Variants in CLEC17A observed in about 807,000 individuals in gnomAD.
The protein encoded by CLEC17A is C-type lectin domain containing 17A, also known as C-type lectin domain family 17, member A.
In CLEC17A, 37 loss-of-function variants were observed where a neutral mutation model predicts 61.3. That is an observed-to-expected ratio of 0.60 (90% CI 0.46 to 0.79). The LOEUF (loss-of-function observed/expected upper bound fraction) is 0.79. Ranked by LOEUF, CLEC17A falls within the 30% of genes least tolerant of loss-of-function variation. The pLI is 0.00. For synonymous variants in CLEC17A, 168 were observed against 164.9 expected (o/e 1.02, Z -0.14); for missense variants, 418 against 464.7 (o/e 0.90, Z 0.92).
Position 14,600,148 on chromosome 19 carries a change from C to T in CLEC17A, c.860C>T (p.Ser287Phe). 6.2e-7 allele frequency: 1 copy of T among 1,614,056 alleles called. No individual in the cohort carries two copies. Among genetic ancestry groups the T allele is most frequent in the Non-Finnish European group, 8.5e-7 (1 of 1,179,900 alleles). ...CGGATGTTCTGCCAGGAGAATTACT[C>T]TCACTTGGTCATCATCAATAGCTTT... ...EARMFCQENY[S>F]HLVIINSFAE... is the part of the protein sequence containing the mutation. The change falls in exon 12 of 14, where the codon TCT becomes TTT. Residue 287 changes from serine to phenylalanine, a missense_variant. Ser to Phe is a radical substitution (Grantham distance 155, BLOSUM62 -2). Coordinates refer to ENST00000417570, the MANE Select transcript of CLEC17A (RefSeq NM_001204118.2).
chr19:14,593,943 CAGAG>C (rs935152351), intron 4 of CLEC17A, among the ~76,000 whole-genome samples: 3 of 151,060 alleles, frequency 2.0e-5, no homozygotes, highest in Middle Eastern at 3.4e-3. Context: ...GCCTGGGAGA[CAGAG>C]AGAGACTCTG....
chr19:14,600,203 C>A, intron 12 of CLEC17A, 21 bp downstream of exon 12: 8 of 1,612,256 alleles, frequency 5.0e-6, no homozygotes, highest in Non-Finnish European at 6.8e-6. Flanking sequence ...CCCACTGAAC[C>A]TTTGAGAACC....
chr19:14,583,806 G>C (rs1233641392), intron 2 of CLEC17A, among the ~76,000 whole-genome samples: 2 of 152,104 alleles, frequency 1.3e-5, no homozygotes, highest in African/African-American at 4.8e-5. Context: ...TGGTGCTTGA[G>C]AAACTGGGAG....
rs1340191169 is a variant in CLEC17A, at chr19:14,594,759, G to T, written c.362G>T (p.Gly121Val). 1 of 1,613,918 alleles carries T rather than the reference G, an allele frequency of 6.2e-7. No homozygotes were observed. Among genetic ancestry groups the T allele is most frequent in the Non-Finnish European group, 8.5e-7 (1 of 1,179,878 alleles). ...PLPCKPRNMT[G>V]LDLAAVTCPP... is the part of the protein sequence containing the mutation. The stretch of plus-strand genomic sequence containing the variant: ...GAAATGACTTTCTCATCTCTTCTAG[G>T]CCTGGACCTCGCCGCTGTCACCTGT... The change falls in exon 7 of 14, where the codon GGC becomes GTC. Residue 121 changes from glycine (G) to valine (V), a missense_variant and splice_region_variant. Transcript: ENST00000417570.
chr19:14,602,082 G>A (rs576794837), intron 12 of CLEC17A, among the ~76,000 whole-genome samples: 9 of 152,176 alleles, frequency 5.9e-5, no homozygotes, highest in South Asian at 2.1e-4. Flanking sequence ...ATGAGCCACC[G>A]CGCCTGGCCC....
Position 14,607,085 on chromosome 19 carries a change from G to T in CLEC17A, c.987G>T (p.Gly329=). ...AQEGDWRWLD[G]SPVTLSFWEP... is the part of the protein sequence containing the mutation. ...AAGGGGACTGGAGGTGGCTGGATGG[G>T]TCTCCTGTGACATTAAGGCAAGTGC... The change falls in exon 13 of 14, where the codon GGG becomes GGT. Residue 329 remains glycine (G), a synonymous_variant. Transcript: ENST00000417570. The T allele has an allele frequency of 7.6e-7, 1 of 1,315,692 alleles. No individual in the cohort carries two copies. The highest frequency in any genetic ancestry group is 2.2e-5 in the South Asian group (1 of 46,454). 81.5% of individuals were successfully genotyped at this position (1,315,692 alleles called of 1,614,324 possible).
At chr19:14,604,477 A>T (rs2074803871) in intron 12 of CLEC17A, among the ~76,000 whole-genome samples, 1 of 152,124 alleles carries the variant, frequency 6.6e-6, no homozygotes, top group African/African-American at 2.4e-5. Context: ...AAGAATGTTT[A>T]AAGTCGGCCG....
rs1251910044 is a variant in CLEC17A at position 14,593,776 on chromosome 19, C to T, written c.278-741C>T. On this transcript the variant is annotated intron_variant, in intron 4 of 13. Coordinates refer to ENST00000417570, the MANE Select transcript of CLEC17A (RefSeq NM_001204118.2). Reference sequence around the variant, plus strand: ...GAGATTGAGACCATCCTAGCTAACACGGTGAAACCCCGTCTCTATTAAAAA... The same window carrying T: ...GAGATTGAGACCATCCTAGCTAACATGGTGAAACCCCGTCTCTATTAAAAA... Among the ~76,000 whole-genome samples, 7 of 151,006 alleles carry T rather than the reference C, an allele frequency of 4.6e-5. No individual in the cohort carries two copies. The East Asian group carries it at 5.9e-4, about 13-fold the overall frequency.
chr19:14,603,895 T>C (rs192437128), intron 12 of CLEC17A, among the ~76,000 whole-genome samples: 41 of 152,306 alleles, frequency 2.7e-4, no homozygotes, highest in African/African-American at 9.6e-4. Flanking sequence ...CTTAAACTGC[T>C]CTGATTTTGG....
At chr19:14,584,198 G>A (rs965241805) in intron 2 of CLEC17A, 8 of 152,030 alleles carry the variant, frequency 5.3e-5, no homozygotes, top group Admixed American at 1.3e-4. Context: ...CTAGGCGATC[G>A]GGCGTCTGCA....
intron 3 of CLEC17A, among the ~76,000 whole-genome samples, chr19:14,590,904 C>T (rs2074396341): frequency 6.6e-6 from 1 of 150,922 alleles, no homozygotes; most frequent in Non-Finnish European, 1.5e-5. Flanking sequence ...TGCTATGTTG[C>T]CCAGGCTGGT....
chr19:14,600,094 C>T lies in CLEC17A; in HGVS notation c.806C>T (p.Ser269Phe). The change falls in exon 12 of 14, where the codon TCC becomes TTC. Residue 269 changes from serine to phenylalanine, a missense_variant. By Grantham distance (155) the Ser-to-Phe change is radical. Coordinates refer to ENST00000417570, the MANE Select transcript of CLEC17A (RefSeq NM_001204118.2). ...TTTGAGGGCAAGTGTTACTACTTCTCCCCAAGCACCAAGTCATGGGATGAG... is the reference window on the plus strand; with the variant it reads ...TTTGAGGGCAAGTGTTACTACTTCTTCCCAAGCACCAAGTCATGGGATGAG... ...LPFEGKCYYFSPSTKSWDEAR... is the reference protein window; with the variant it reads ...LPFEGKCYYFFPSTKSWDEAR... 1 of 1,614,032 alleles carries T rather than the reference C, an allele frequency of 6.2e-7. No individual in the cohort carries two copies. Among genetic ancestry groups the T allele is most frequent in the Non-Finnish European group, 8.5e-7 (1 of 1,179,896 alleles).
intron 4 of CLEC17A, 31 bp from the exon 5 acceptor site, chr19:14,594,486 C>G (rs2074495807): frequency 1.3e-6 from 2 of 1,558,694 alleles, no homozygotes; most frequent in Non-Finnish European, 1.7e-6. Flanking sequence ...CATCCTCAGC[C>G]CAGCCCTCAC....
At chr19:14,597,068 A>C in intron 9 of CLEC17A, 31 bp from the exon 10 acceptor site, 1 of 1,611,922 alleles carries the variant, frequency 6.2e-7, no homozygotes, top group Non-Finnish European at 8.5e-7. Context: ...GCACAGGAGG[A>C]CCTGGGCTCA....
intron 13 of CLEC17A, among the ~76,000 whole-genome samples, chr19:14,608,319 G>T (rs2074954154): frequency 6.6e-6 from 1 of 152,204 alleles, no homozygotes; most frequent in Non-Finnish European, 1.5e-5. Flanking sequence ...GGGGCCTAGA[G>T]ACCCTGATTG....
upstream of CLEC17A, among the ~76,000 whole-genome samples, chr19:14,581,262 A>G (rs1292971231): frequency 3.9e-5 from 6 of 152,200 alleles, no homozygotes; most frequent in Non-Finnish European, 7.3e-5. Context: ...TTAGTTTCCT[A>G]TAGTGACTCT....
chr19:14,592,499 C>T, intron 4 of CLEC17A, 141 bp downstream of exon 4: 1 of 1,490,304 alleles, frequency 6.7e-7, no homozygotes, highest in Non-Finnish European at 9.0e-7. Flanking sequence ...ACACCCTGCC[C>T]AGGAGGACCT....
intron 8 of CLEC17A, among the ~76,000 whole-genome samples, chr19:14,595,810 C>T (rs886424948): frequency 5.5e-5 from 6 of 108,710 alleles, no homozygotes; most frequent in South Asian, 3.5e-4. Context: ...TAATGCAGGG[C>T]GGAGGTAGTG....
At chr19:14,585,990 C>T (rs1404090345) in intron 2 of CLEC17A, among the ~76,000 whole-genome samples, 2 of 152,156 alleles carry the variant, frequency 1.3e-5, no homozygotes, top group Non-Finnish European at 2.9e-5. Context: ...AATGTTACCA[C>T]TTCCAGGAGG....
Sources: gnomAD v4.1 joint callset for allele counts (sites outside exome capture counted in the v4.1 genomes callset) on GRCh38, gnomAD v4.1.1 for gene constraint, MANE v1.5 for transcripts, NCBI Gene and HGNC (gene_info 2026-07-23, HGNC 2026-07-21) for gene names.